Variants in DCDC2 observed in about 807,000 individuals in gnomAD.
DCDC2 encodes doublecortin domain containing 2.
DCDC2 carries 40 observed loss-of-function variants against 50.2 expected under a neutral mutation model. The observed-to-expected ratio is 0.80, with a 90% CI of 0.62 to 1.04. The LOEUF (loss-of-function observed/expected upper bound fraction) is 1.04, where lower values mean the gene tolerates loss of function less well. DCDC2 is among the 50% of genes least tolerant of loss of function. The pLI is 0.00. For synonymous variants in DCDC2, 234 were observed against 210.6 expected (o/e 1.11, Z -0.96); for missense variants, 570 against 581.9 (o/e 0.98, Z 0.21).
chr6:24,357,377 G>T, intron 1 of DCDC2, 81 bp downstream of exon 1: 3 of 1,458,322 alleles, frequency 2.1e-6, no homozygotes, highest in Non-Finnish European at 2.7e-6. Flanking sequence ...AGGTGTGGGG[G>T]GGTAGGGATC....
At chr6:24,309,899 A>ATG (rs796318548) in intron 2 of DCDC2, among the ~76,000 whole-genome samples, 2 of 152,282 alleles carry the variant, frequency 1.3e-5, no homozygotes, top group African/African-American at 4.8e-5. Flanking sequence ...GCAGGCTGAA[A>ATG]TGGGAGGACT....
rs114938016 is a variant in DCDC2, at chr6:24,305,058, T to C, written c.349-3014A>G. ...ATTGAATTAAAGGCAAAAGTTAATA[T>C]GTTATATCAATAAGTAACTTTAAAA... On this transcript the variant is annotated intron_variant, in intron 2 of 9. Coordinates refer to ENST00000378454, the MANE Select transcript of DCDC2 (RefSeq NM_016356.5). Among the ~76,000 whole-genome samples the C allele has an allele frequency of 6.9e-3, 1,057 of 152,340 alleles. 6 individuals are homozygous for C. Among genetic ancestry groups the C allele is most frequent in the African/African-American group, 0.024 (983 of 41,582 alleles).
chr6:24,359,141 A>ATTATATATT (rs1451891114), upstream of DCDC2, among the ~76,000 whole-genome samples: 199 of 63,238 alleles, frequency 3.1e-3, 3 homozygotes, highest in African/African-American at 0.013. Context: ...TTTTATATAT[A>ATTATATATT]TTATATATTT....
chr6:24,271,791 T>C (rs1763243894), intron 7 of DCDC2, among the ~76,000 whole-genome samples: 3 of 152,194 alleles, frequency 2.0e-5, no homozygotes, highest in Admixed American at 1.3e-4. Flanking sequence ...TAGAATTTTA[T>C]GGGGCGCTTG....
At chr6:24,246,425 TA>T (rs1169085636) in intron 7 of DCDC2, among the ~76,000 whole-genome samples, 4 of 151,400 alleles carry the variant, frequency 2.6e-5, no homozygotes, top group African/African-American at 9.7e-5. Context: ...GGTATTCACT[TA>T]ATGAACCTCA....
chr6:24,180,167 C>T (rs1271696639), intron 8 of DCDC2, among the ~76,000 whole-genome samples: 1 of 152,136 alleles, frequency 6.6e-6, no homozygotes, highest in African/African-American at 2.4e-5. Flanking sequence ...GTCATAGTTT[C>T]TGGCACATCA....
intron 2 of DCDC2, among the ~76,000 whole-genome samples, chr6:24,329,076 A>G (rs148846414): frequency 1.5e-4 from 23 of 152,314 alleles, no homozygotes; most frequent in African/African-American, 4.3e-4. Flanking sequence ...ATGCCATGCC[A>G]TGCCATCTCT....
intron 8 of DCDC2, among the ~76,000 whole-genome samples, chr6:24,204,204 G>A (rs1008096265): frequency 3.9e-5 from 6 of 151,972 alleles, no homozygotes; most frequent in Admixed American, 1.3e-4. Flanking sequence ...GTACTGCAGC[G>A]CTATTCACAA....
At chr6:24,305,167 A>T (rs1759449261) in intron 2 of DCDC2, among the ~76,000 whole-genome samples, 1 of 152,244 alleles carries the variant, frequency 6.6e-6, no homozygotes, top group South Asian at 2.1e-4. Context: ...ATAAAAATAC[A>T]TGATTGTTGA....
chr6:24,311,690 G>A (rs934639791), intron 2 of DCDC2, among the ~76,000 whole-genome samples: 1 of 152,162 alleles, frequency 6.6e-6, no homozygotes, highest in Non-Finnish European at 1.5e-5. Context: ...GAAAAGATGA[G>A]CCTCCCCATC....
At chr6:24,240,579 T>C (rs949511008) in intron 7 of DCDC2, among the ~76,000 whole-genome samples, 1 of 152,224 alleles carries the variant, frequency 6.6e-6, no homozygotes, top group Non-Finnish European at 1.5e-5. Flanking sequence ...TTTTGATTAC[T>C]AGGCATTTTA....
chr6:24,237,018 AAAG>A (rs967763981), intron 7 of DCDC2, among the ~76,000 whole-genome samples: 26 of 151,968 alleles, frequency 1.7e-4, no homozygotes, highest in East Asian at 5.8e-4. Context: ...TCAAAAAAAA[AAAG>A]AAGAAGTGGA....
At chr6:24,309,297 C>T (rs1759530389) in intron 2 of DCDC2, among the ~76,000 whole-genome samples, 2 of 54,460 alleles carry the variant, frequency 3.7e-5, no homozygotes, top group Admixed American at 4.6e-4. Flanking sequence ...TGCACTCCAG[C>T]CCGGGCGACA....
At chr6:24,251,380 G>T (rs917652728) in intron 7 of DCDC2, among the ~76,000 whole-genome samples, 11 of 152,096 alleles carry the variant, frequency 7.2e-5, no homozygotes, top group African/African-American at 2.7e-4. Context: ...AATCGATTTT[G>T]GTCTGTTACT....
At chr6:24,243,861 G>C (rs1304693595) in intron 7 of DCDC2, among the ~76,000 whole-genome samples, 2 of 152,146 alleles carry the variant, frequency 1.3e-5, no homozygotes, top group African/African-American at 2.4e-5. Context: ...AAGAGAGATA[G>C]GGAGAGAGAT....
intron 7 of DCDC2, among the ~76,000 whole-genome samples, chr6:24,275,891 G>A (rs1325982497): frequency 1.2e-4 from 1 of 8,344 alleles, no homozygotes; most frequent in Non-Finnish European, 6.8e-4. Context: ...TTTTTTTTAG[G>A]CAGGGTCTAA....
chr6:24,343,121 C>CACTG (rs1383194371), intron 2 of DCDC2, among the ~76,000 whole-genome samples: 1 of 149,198 alleles, frequency 6.7e-6, no homozygotes, highest in Non-Finnish European at 1.5e-5. Context: ...GATCTCAGCT[C>CACTG]ACTGCAAGCT....
At chr6:24,253,193 TA>T (rs1350184300) in intron 7 of DCDC2, among the ~76,000 whole-genome samples, 2 of 152,002 alleles carry the variant, frequency 1.3e-5, no homozygotes, top group Non-Finnish European at 2.9e-5. Context: ...GGGTAGAGAT[TA>T]AATGAAAAAT....
intron 7 of DCDC2, among the ~76,000 whole-genome samples, chr6:24,256,282 T>TG (rs1762897039): frequency 6.6e-6 from 1 of 151,842 alleles, no homozygotes; most frequent in Non-Finnish European, 1.5e-5. Flanking sequence ...ACATTTTTTT[T>TG]TTTTTTTTTA....
Sources: allele counts gnomAD v4.1 joint callset (sites outside exome capture counted in the v4.1 genomes callset), GRCh38; gene constraint gnomAD v4.1.1; transcripts MANE v1.5; gene names NCBI Gene and HGNC (gene_info 2026-07-23, HGNC 2026-07-21).